Variants in CCDC3 observed in about 807,000 individuals in gnomAD.
The protein encoded by CCDC3 is coiled-coil domain containing 3, also known as coiled-coil domain-containing protein 3.
Under a neutral mutation model 21.4 loss-of-function variants are expected in CCDC3, and 24 were observed. The observed-to-expected ratio is 1.12, with a 90% CI of 0.81 to 1.58. The LOEUF is 1.58. CCDC3 is among the 40% of genes most tolerant of loss of function. The pLI is 0.00. For missense variants in CCDC3, 425 were observed against 360.9 expected (o/e 1.18, Z -1.44); for synonymous variants, 186 against 166.0 (o/e 1.12, Z -0.93).
At chr10:13,002,189 TAA>T (rs1372303946), upstream of CCDC3, among the ~76,000 whole-genome samples, 1 of 152,198 alleles carries the variant, frequency 6.6e-6, no homozygotes, top group Non-Finnish European at 1.5e-5. Context: ...AAAGCTTTGA[TAA>T]AAGATTCCAA....
chr10:12,939,231 CTGAG>C (rs1210898779), intron 2 of CCDC3, among the ~76,000 whole-genome samples: 1 of 152,252 alleles, frequency 6.6e-6, no homozygotes, highest in Non-Finnish European at 1.5e-5. Flanking sequence ...AGGTGTCCTT[CTGAG>C]TAAGGTAAAT....
At chr10:13,057,855 C>G in intron 4 of CCDC3, 1 of 402,246 alleles carries the variant, frequency 2.5e-6, no homozygotes, top group Non-Finnish European at 4.7e-6. Flanking sequence ...TACTCCAGCC[C>G]AGATGACAGT....
chr10:12,996,710 G>A (rs1041568452), intron 2 of CCDC3, among the ~76,000 whole-genome samples: 1 of 152,158 alleles, frequency 6.6e-6, no homozygotes, highest in African/African-American at 2.4e-5. Flanking sequence ...AGGCCTCCAG[G>A]GTCCAGGGAG....
At chr10:12,997,493 T>C (rs1446250280) in intron 2 of CCDC3, among the ~76,000 whole-genome samples, 1 of 152,214 alleles carries the variant, frequency 6.6e-6, no homozygotes, top group Non-Finnish European at 1.5e-5. Context: ...CGGAAGACTC[T>C]TTTATATTTT....
chr10:13,098,040 G>A (rs777758911), intron 3 of CCDC3, among the ~76,000 whole-genome samples: 2 of 152,206 alleles, frequency 1.3e-5, no homozygotes, highest in Admixed American at 6.5e-5. Context: ...GGAAGGGTAA[G>A]ATGAAGTAAC....
chr10:12,898,654 GC>G lies in CCDC3; in HGVS notation c.574del (p.Ala192ProfsTer30). The G allele has an allele frequency of 1.2e-6, 2 of 1,614,212 alleles. No individual in the cohort carries two copies. The highest frequency in any genetic ancestry group is 1.7e-6 in the Non-Finnish European group (2 of 1,180,026). On this transcript the variant is annotated frameshift_variant, in exon 3 of 3. Coordinates refer to ENST00000378825, the MANE Select transcript of CCDC3 (RefSeq NM_031455.4). LOFTEE classifies it high-confidence loss of function. ...SRLMCSSVQK[A>X]LFEEEDHVKK... ...GACGTGGTCCTCCTCCTCAAACAAGGCCTTCTGCACCGAGGAGCACATGAGC... is the reference window on the plus strand; with the variant it reads ...GACGTGGTCCTCCTCCTCAAACAAGGCTTCTGCACCGAGGAGCACATGAGC...
At chr10:13,091,526 A>T (rs936089199) in intron 3 of CCDC3, among the ~76,000 whole-genome samples, 11 of 152,166 alleles carry the variant, frequency 7.2e-5, no homozygotes, top group African/African-American at 2.4e-5. Context: ...TCTATTTATA[A>T]GCCACTCTGT....
intron 3 of CCDC3, among the ~76,000 whole-genome samples, chr10:13,078,921 T>C (rs897937031): frequency 6.6e-6 from 1 of 152,044 alleles, no homozygotes; most frequent in Non-Finnish European, 1.5e-5. Context: ...AATGACGAGT[T>C]AATGGGTGCA....
chr10:12,986,043 CT>C (rs61586916), intron 2 of CCDC3, among the ~76,000 whole-genome samples: 3 of 152,076 alleles, frequency 2.0e-5, no homozygotes, highest in African/African-American at 7.2e-5. Flanking sequence ...GCCCAGTTAA[CT>C]TTTTTTGTAT....
At chr10:12,902,371 GTATTTC>G (rs1362901885) in intron 2 of CCDC3, among the ~76,000 whole-genome samples, 2 of 152,158 alleles carry the variant, frequency 1.3e-5, no homozygotes, top group Non-Finnish European at 2.9e-5. Context: ...AGAACTGACA[GTATTTC>G]TATTGTCTTG....
At chr10:12,916,871 T>C (rs1834365999) in intron 2 of CCDC3, among the ~76,000 whole-genome samples, 1 of 152,186 alleles carries the variant, frequency 6.6e-6, no homozygotes, top group South Asian at 2.1e-4. Flanking sequence ...CCTGGAGCTA[T>C]GAGAGCCATC....
chr10:12,916,405 G>A (rs1385336376), intron 2 of CCDC3, among the ~76,000 whole-genome samples: 2 of 146,594 alleles, frequency 1.4e-5, no homozygotes, highest in South Asian at 4.4e-4. Context: ...CCAGCCTGAG[G>A]GATAGAGACA....
chr10:12,918,486 T>A (rs1010786147), intron 2 of CCDC3, among the ~76,000 whole-genome samples: 1 of 152,228 alleles, frequency 6.6e-6, no homozygotes, highest in Non-Finnish European at 1.5e-5. Context: ...CTTCTGTAAT[T>A]CCTAATCAGG....
chr10:12,983,192 G>A (rs114443673), intron 2 of CCDC3, among the ~76,000 whole-genome samples: 2,207 of 137,602 alleles, frequency 0.016, 73 homozygotes, highest in African/African-American at 0.056. Context: ...TAGCTCTAAA[G>A]GTTTTGGGGT....
At chr10:12,978,054 T>C (rs1470446716) in intron 2 of CCDC3, among the ~76,000 whole-genome samples, 1 of 151,872 alleles carries the variant, frequency 6.6e-6, no homozygotes, top group Non-Finnish European at 1.5e-5. Flanking sequence ...AATTTCACTC[T>C]GTCATCCAGG....
intron 2 of CCDC3, among the ~76,000 whole-genome samples, chr10:12,984,107 C>T (rs1272350043): frequency 1.3e-5 from 2 of 152,232 alleles, no homozygotes; most frequent in African/African-American, 4.8e-5. Context: ...AAAAAACCCA[C>T]AGTGAAAAGA....
chr10:12,919,604 AG>A (rs1460564919), intron 2 of CCDC3, among the ~76,000 whole-genome samples: 13 of 151,290 alleles, frequency 8.6e-5, no homozygotes, highest in African/African-American at 3.2e-4. Context: ...AAAAAAAAAA[AG>A]AAATGAGTAC....
intron 2 of CCDC3, among the ~76,000 whole-genome samples, chr10:12,931,628 C>T (rs954265130): frequency 1.3e-5 from 2 of 152,240 alleles, no homozygotes; most frequent in African/African-American, 4.8e-5. Context: ...TTCTGAGAGT[C>T]ATTCCTGCAG....
upstream of CCDC3, among the ~76,000 whole-genome samples, chr10:13,006,627 C>T (rs1033202465): frequency 2.0e-5 from 3 of 152,182 alleles, no homozygotes; most frequent in East Asian, 1.9e-4. Context: ...AAAGCCATCA[C>T]CCATGGGTCA....
Sources: allele counts gnomAD v4.1 joint callset (sites outside exome capture counted in the v4.1 genomes callset), GRCh38; gene constraint gnomAD v4.1.1; transcripts MANE v1.5; gene names NCBI Gene and HGNC (gene_info 2026-07-23, HGNC 2026-07-21).